Variants in LSR observed in about 807,000 individuals in gnomAD.
LSR encodes lipolysis stimulated lipoprotein receptor, also known as lipolysis-stimulated lipoprotein receptor.
In LSR, 44 loss-of-function variants were observed where a neutral mutation model predicts 61.8. The observed-to-expected ratio is 0.71, with a 90% CI of 0.56 to 0.91. The LOEUF (loss-of-function observed/expected upper bound fraction) is 0.91. Among genes scored for constraint, LSR ranks in the 40% least tolerant of loss-of-function variants. LSR has a pLI of 0.00. For missense variants in LSR, 911 were observed against 830.5 expected, an observed-to-expected ratio of 1.10 and a Z score of -1.19; for synonymous variants, 397 against 350.6, an observed-to-expected ratio of 1.13 and a Z score of -1.48.
In LSR at chr19:35,259,071, G is replaced by A. The variant is rs774422850; in HGVS notation, c.574+7G>A. 76 of 1,611,030 alleles carry A rather than the reference G, an allele frequency of 4.7e-5. No homozygotes were observed. The highest frequency in any genetic ancestry group is 6.2e-5 in the Non-Finnish European group (73 of 1,177,986). On this transcript the variant is annotated splice_region_variant and intron_variant, in intron 3 of 9. Coordinates refer to ENST00000605618, the MANE Select transcript of LSR (RefSeq NM_205834.4). ...GCAGAGCTCATCGTCCTTGGTGAGT[G>A]GGCCTGGGAAGGGGGAGGCATGGCC...
intron 5 of LSR, chr19:35,264,440 C>G (rs117299608): frequency 6.6e-6 from 1 of 152,228 alleles, no homozygotes; most frequent in Non-Finnish European, 1.5e-5. Flanking sequence ...GACGTGGTCA[C>G]AGCCATCAGC....
rs1464585038 is a variant in LSR, at chr19:35,267,837, G to GTCC, written c.1786_1787insCTC (p.Ser595_Arg596insPro). ...TCTCCCTTGCAGAACTTGGCCCTGA[G>GTCC]TCGGGAAAGTTTAGTCGTCTGATCT... On this transcript the variant is annotated inframe_insertion, in exon 10 of 10. Coordinates refer to ENST00000605618, the MANE Select transcript of LSR (RefSeq NM_205834.4). 1 of 1,613,890 alleles carries GTCC rather than the reference G, an allele frequency of 6.2e-7. No individual in the cohort carries two copies. Among genetic ancestry groups the GTCC allele is most frequent in the East Asian group, 2.2e-5 (1 of 44,860 alleles).
intron 5 of LSR, among the ~76,000 whole-genome samples, chr19:35,265,007 T>C (rs2065978362): frequency 1.3e-5 from 2 of 152,154 alleles, no homozygotes; most frequent in African/African-American, 2.4e-5. Context: ...CCTGACTTCA[T>C]GGGTTGTTGT....
chr19:35,253,036 T>C (rs563949603), intron 2 of LSR, among the ~76,000 whole-genome samples: 21 of 148,964 alleles, frequency 1.4e-4, no homozygotes, highest in African/African-American at 4.5e-4. Flanking sequence ...GAAAAGAAAA[T>C]AGGCTGGGCG....
Position 35,258,970 on chromosome 19 carries a change from G to A in LSR, c.480G>A (p.Thr160=), listed in dbSNP as rs186050633. ...ATGCTGACCTGACCTTTGACCAGAC[G>A]GCGTGGGGGGACAGTGGTGTGTATT... ...TGNADLTFDQ[T]AWGDSGVYYC... is the part of the protein sequence containing the mutation. The change falls in exon 3 of 10, where the codon ACG becomes ACA. Residue 160 remains threonine, a synonymous_variant. Coordinates refer to ENST00000605618, the MANE Select transcript of LSR (RefSeq NM_205834.4). 2.0e-5 allele frequency: 33 copies of A among 1,613,890 alleles called. No individual in the cohort carries two copies. The highest frequency in any genetic ancestry group is 3.3e-4 in the Middle Eastern group (2 of 6,084).
At chr19:35,256,729 T>TGAATGAAA (rs1213291283) in intron 2 of LSR, among the ~76,000 whole-genome samples, 12 of 37,740 alleles carry the variant, frequency 3.2e-4, no homozygotes, top group African/African-American at 7.7e-4. Flanking sequence ...AATGAATGAA[T>TGAATGAAA]GAAAGAAAGA....
At chr19:35,261,276 T>C (rs1353409910) in intron 3 of LSR, among the ~76,000 whole-genome samples, 1 of 152,226 alleles carries the variant, frequency 6.6e-6, no homozygotes, top group African/African-American at 2.4e-5. Flanking sequence ...TGGGTATTTT[T>C]GCCTTCATGG....
At position 35,249,067 on chromosome 19, in the gene LSR, C is replaced by T. The variant is rs2065755045; in HGVS notation, c.45C>T (p.His15=). 1 of 1,568,228 alleles carries T rather than the reference C, an allele frequency of 6.4e-7. No individual in the cohort carries two copies. The highest frequency in any genetic ancestry group is 8.6e-7 in the Non-Finnish European group (1 of 1,158,282). The change falls in exon 1 of 10, where the codon CAC becomes CAT. Residue 15 remains histidine (H), a synonymous_variant. Transcript: ENST00000605618. ...AGGLSRGLGS[H]PAAAGRDAVV... is the part of the protein sequence containing the mutation. ...GGCTCTCCAGAGGGCTGGGCTCCCA[C>T]CCGGCCGCCGCAGGCCGGGACGCGG... is the stretch of plus-strand genomic sequence containing the variant.
In LSR at chr19:35,256,494, G is replaced by C. The variant is rs543337598; in HGVS notation, c.455-2451G>C. Among the ~76,000 whole-genome samples the C allele has an allele frequency of 1.6e-4, 25 of 152,292 alleles. No individual in the cohort carries two copies. In the South Asian group the frequency reaches 4.8e-3, roughly 29 times the overall value. ...CTTCTCAGAGCTGCTTCAGTCTGTT[G>C]TGATATCTATTGTATGTCACGTAGC... On this transcript the variant is annotated intron_variant, in intron 2 of 9. Coordinates refer to ENST00000605618, the MANE Select transcript of LSR (RefSeq NM_205834.4).
chr19:35,264,831 G>A (rs1463691278), intron 5 of LSR: 1 of 152,138 alleles, frequency 6.6e-6, no homozygotes, highest in Non-Finnish European at 1.5e-5. Context: ...ATTGAGCATG[G>A]GGCCCAACCT....
At chr19:35,253,012 C>T (rs1384596215) in intron 2 of LSR, among the ~76,000 whole-genome samples, 1 of 148,948 alleles carries the variant, frequency 6.7e-6, no homozygotes, top group African/African-American at 2.4e-5. Flanking sequence ...CAGAGTGAGA[C>T]CCTGTCTTGA....
chr19:35,262,428 G>GT, intron 4 of LSR, 118 bp from the exon 5 acceptor site: 1 of 1,181,556 alleles, frequency 8.5e-7, no homozygotes, highest in Non-Finnish European at 1.2e-6. Flanking sequence ...AGGTTCCTTG[G>GT]TGAGCTTTGC....
chr19:35,254,752 C>T (rs1389949667), intron 2 of LSR, among the ~76,000 whole-genome samples: 4 of 152,194 alleles, frequency 2.6e-5, no homozygotes, highest in Admixed American at 6.5e-5. Context: ...GTGCTCAGCC[C>T]GGATGAGATC....
chr19:35,262,270 A>T (rs913769483), intron 4 of LSR, among the ~76,000 whole-genome samples: 1 of 151,990 alleles, frequency 6.6e-6, no homozygotes, highest in Non-Finnish European at 1.5e-5. Flanking sequence ...TGGGGGCTGC[A>T]GTCTGTCTCC....
In LSR at chr19:35,266,056, A is replaced by G. The variant is rs118096313; in HGVS notation, c.779-303A>G. Among the ~76,000 whole-genome samples the G allele has an allele frequency of 1.0e-3, 157 of 152,342 alleles. 1 individual carries two copies. The highest frequency in any genetic ancestry group is 1.3e-3 in the Non-Finnish European group (87 of 68,030). The stretch of plus-strand genomic sequence containing the variant: ...CCTTTTGATTGACAAATGTTGGCGA[A>G]TTACCATGCTGTTAAATGAAACATT... On this transcript the variant is annotated intron_variant, in intron 5 of 9. Transcript: ENST00000605618.
intron 1 of LSR, among the ~76,000 whole-genome samples, chr19:35,249,523 A>G (rs2065763325): frequency 6.6e-6 from 1 of 152,054 alleles, no homozygotes; most frequent in African/African-American, 2.4e-5. Flanking sequence ...GGAGGGCTGG[A>G]TCAGACGCTT....
chr19:35,254,136 C>T (rs1404647056), intron 2 of LSR, among the ~76,000 whole-genome samples: 3 of 152,164 alleles, frequency 2.0e-5, no homozygotes, highest in African/African-American at 7.2e-5. Context: ...TTCTGTTGCC[C>T]AGGCTGGAGT....
At chr19:35,249,324 C>T (rs2065760158) in intron 1 of LSR, 193 bp downstream of exon 1, 2 of 638,174 alleles carry the variant, frequency 3.1e-6, no homozygotes, top group South Asian at 2.4e-5. Flanking sequence ...GAGCGCTCCC[C>T]GCGCCCTTAT....
At position 35,267,678 on chromosome 19, in the gene LSR, C is replaced by T. The variant is rs751322120; in HGVS notation, c.1714C>T (p.Pro572Ser). ...GGAAGAGGCCTACTACCCGCCCGCGCCGCCCCCGTACTCGGAGACCGACTC... is the reference window on the plus strand; with the variant it reads ...GGAAGAGGCCTACTACCCGCCCGCGTCGCCCCCGTACTCGGAGACCGACTC... Reference protein sequence around the residue: ...EEEEAYYPPAPPPYSETDSQA... With the variant: ...EEEEAYYPPASPPYSETDSQA... The change falls in exon 9 of 10, where the codon CCG (proline) becomes TCG (serine). Residue 572 changes from proline (P) to serine (S), a missense_variant. Coordinates refer to ENST00000605618, the MANE Select transcript of LSR (RefSeq NM_205834.4). 2 of 1,604,786 alleles carry T rather than the reference C, an allele frequency of 1.2e-6. No homozygotes were observed. Among genetic ancestry groups the T allele is most frequent in the Non-Finnish European group, 1.7e-6 (2 of 1,176,144 alleles).
Sources: gnomAD v4.1 joint callset for allele counts (sites outside exome capture counted in the v4.1 genomes callset) on GRCh38, gnomAD v4.1.1 for gene constraint, MANE v1.5 for transcripts, NCBI Gene and HGNC (gene_info 2026-07-23, HGNC 2026-07-21) for gene names.